The following EXOC6B variants were observed in gnomAD, a reference collection of about 807,000 sequenced individuals.
EXOC6B encodes the protein exocyst complex component 6B, also known as SEC15 homolog B.
EXOC6B carries 54 observed loss-of-function variants against 113.5 expected under a neutral mutation model. The ratio of observed to expected loss-of-function variants is 0.48; its 90% CI spans 0.38 to 0.60. The LOEUF (loss-of-function observed/expected upper bound fraction) is 0.60. Ranked by LOEUF, EXOC6B falls within the 20% of genes least tolerant of loss-of-function variation. EXOC6B has a pLI of 0.00. For missense variants in EXOC6B, 797 were observed against 977.5 expected (o/e 0.82, Z 2.46); for synonymous variants, 357 against 339.0 (o/e 1.05, Z -0.58).
intron 6 of EXOC6B, among the ~76,000 whole-genome samples, chr2:72,655,936 T>C (rs1350572051): frequency 6.6e-6 from 1 of 152,126 alleles, no homozygotes; most frequent in Non-Finnish European, 1.5e-5. Context: ...TGTTCCTAGA[T>C]AGGATGCCTC....
chr2:72,626,020 C>T (rs768406050), intron 6 of EXOC6B, among the ~76,000 whole-genome samples: 2 of 152,100 alleles, frequency 1.3e-5, no homozygotes, highest in Non-Finnish European at 2.9e-5. Context: ...TTAACAGCAG[C>T]CCTTCCTTTT....
intron 6 of EXOC6B, among the ~76,000 whole-genome samples, chr2:72,633,495 C>A (rs1573523745): frequency 6.6e-6 from 1 of 152,120 alleles, no homozygotes; most frequent in Non-Finnish European, 1.5e-5. Flanking sequence ...TCAGAGAGAA[C>A]CCCTGGTGTA....
intron 21 of EXOC6B, 91 bp downstream of exon 21, chr2:72,183,984 A>G (rs180902249): frequency 2.1e-5 from 14 of 669,258 alleles, no homozygotes; most frequent in African/African-American, 1.6e-4. Flanking sequence ...CTATCTTTCA[A>G]GGTATTGGCA....
chr2:72,476,591 ATGT>A (rs1472889119), intron 17 of EXOC6B, among the ~76,000 whole-genome samples: 1 of 152,078 alleles, frequency 6.6e-6, no homozygotes, highest in Non-Finnish European at 1.5e-5. Context: ...ATTGTGATTG[ATGT>A]TGTTATTTCT....
intron 18 of EXOC6B, among the ~76,000 whole-genome samples, chr2:72,422,243 C>T (rs1001701493): frequency 5.9e-5 from 9 of 152,236 alleles, no homozygotes; most frequent in African/African-American, 2.2e-4. Flanking sequence ...GACAGCTCCA[C>T]CTGCAGCCCC....
intron 8 of EXOC6B, among the ~76,000 whole-genome samples, chr2:72,517,781 C>T (rs1248136488): frequency 6.6e-6 from 1 of 152,084 alleles, no homozygotes; most frequent in African/African-American, 2.4e-5. Flanking sequence ...CTAATTATAC[C>T]ACACTATACT....
chr2:72,317,458 C>T (rs1378333291), intron 20 of EXOC6B, among the ~76,000 whole-genome samples: 3 of 151,758 alleles, frequency 2.0e-5, no homozygotes, highest in Non-Finnish European at 4.4e-5. Context: ...ACACAGAAAA[C>T]CACCTTGTCC....
intron 20 of EXOC6B, among the ~76,000 whole-genome samples, chr2:72,225,554 G>C (rs1261183408): frequency 6.6e-6 from 1 of 152,174 alleles, no homozygotes; most frequent in African/African-American, 2.4e-5. Flanking sequence ...GAGACTGTGA[G>C]ACAATTACTT....
Position 72,409,849 on chromosome 2 carries a change from C to G in EXOC6B, c.1981-29979G>C, listed in dbSNP as rs1232344025. Among the ~76,000 whole-genome samples the G allele has an allele frequency of 2.0e-5, 3 of 151,634 alleles. No individual in the cohort carries two copies. The East Asian group carries it at 5.8e-4, about 29-fold the overall frequency. On this transcript the variant is annotated intron_variant, in intron 18 of 21. Transcript: ENST00000272427. Reference sequence around the variant, plus strand: ...AACCTGCACGTTGTGCACATGTACCCTAAAACTTAAAGTATAATAAAATAT... The same window carrying G: ...AACCTGCACGTTGTGCACATGTACCGTAAAACTTAAAGTATAATAAAATAT...
intron 11 of EXOC6B, among the ~76,000 whole-genome samples, chr2:72,508,630 C>T (rs764625605): frequency 2.0e-5 from 3 of 151,954 alleles, no homozygotes; most frequent in Non-Finnish European, 2.9e-5. Context: ...AAAAATTAGT[C>T]GGGCATGGTG....
chr2:72,334,949 G>T lies in EXOC6B; in HGVS notation c.2194C>A (p.Gln732Lys). 6.2e-7 allele frequency: 1 copy of T among 1,613,142 alleles called. No homozygotes were observed. Among genetic ancestry groups the T allele is most frequent in the Non-Finnish European group, 8.5e-7 (1 of 1,179,344 alleles). Residue 732 changes from glutamine to lysine, a missense_variant and splice_region_variant, in exon 20 of 22, where the codon CAA (glutamine) becomes AAA (lysine). Transcript: ENST00000272427. ...AAAACAAAAACACAAAGACTTACTT[G>T]TCTCAAGTCGATGAAGGCCAACTGC... is the stretch of plus-strand genomic sequence containing the variant. ...TLQLAFIDLR[Q>K]LLDLFIQWDW...
At chr2:72,775,864 A>G (rs1469423581) in intron 1 of EXOC6B, among the ~76,000 whole-genome samples, 1 of 152,204 alleles carries the variant, frequency 6.6e-6, no homozygotes, top group Non-Finnish European at 1.5e-5. Flanking sequence ...TACATGAGAT[A>G]AAATTGTACA....
At chr2:72,636,977 A>C (rs1672883333) in intron 6 of EXOC6B, among the ~76,000 whole-genome samples, 1 of 152,162 alleles carries the variant, frequency 6.6e-6, no homozygotes, top group South Asian at 2.1e-4. Flanking sequence ...AAGTCACAGC[A>C]TATAACATCG....
At position 72,379,723 on chromosome 2, in the gene EXOC6B, T is replaced by C; in HGVS notation, c.2122+6A>G. On this transcript the variant is annotated splice_donor_region_variant and intron_variant, in intron 19 of 21. Coordinates refer to ENST00000272427, the MANE Select transcript of EXOC6B (RefSeq NM_015189.3). Reference sequence around the variant, plus strand: ...TAAACAAGCACAGGGATGGTCACTGTCTTACGTTCACATTCTCTGACGTCC... The same window carrying C: ...TAAACAAGCACAGGGATGGTCACTGCCTTACGTTCACATTCTCTGACGTCC... The C allele has an allele frequency of 6.2e-7, 1 of 1,608,060 alleles. No individual in the cohort carries two copies. The highest frequency in any genetic ancestry group is 8.5e-7 in the Non-Finnish European group (1 of 1,176,460).
chr2:72,804,593 CT>C lies in EXOC6B; in HGVS notation c.113+21204del, dbSNP rs948240531. 3.9e-3 allele frequency among the ~76,000 whole-genome samples: 573 copies of C among 147,532 alleles called. 4 individuals are homozygous for C. The highest frequency in any genetic ancestry group is 0.013 in the African/African-American group (514 of 40,394). On this transcript the variant is annotated intron_variant, in intron 1 of 21. Coordinates refer to ENST00000272427, the MANE Select transcript of EXOC6B (RefSeq NM_015189.3). The stretch of plus-strand genomic sequence containing the variant: ...AATTATCACTTACCCTTCATTTAAA[CT>C]TTTTTTTTTTAATTTTTTGAGATGG...
chr2:72,401,726 G>A (rs1693347558), intron 18 of EXOC6B, among the ~76,000 whole-genome samples: 1 of 130,604 alleles, frequency 7.7e-6, no homozygotes, highest in Non-Finnish European at 1.6e-5. Flanking sequence ...CAACATGGAT[G>A]GAACTAGGGT....
At chr2:72,690,305 A>G (rs937178418) in intron 6 of EXOC6B, among the ~76,000 whole-genome samples, 5 of 152,206 alleles carry the variant, frequency 3.3e-5, no homozygotes, top group Non-Finnish European at 7.3e-5. Context: ...CCATGTCCCT[A>G]TACATATTCC....
At chr2:72,459,017 T>C (rs1215760474) in intron 18 of EXOC6B, among the ~76,000 whole-genome samples, 1 of 152,062 alleles carries the variant, frequency 6.6e-6, no homozygotes, top group African/African-American at 2.4e-5. Context: ...AGAAAACATT[T>C]TCTAAAAACA....
intron 6 of EXOC6B, among the ~76,000 whole-genome samples, chr2:72,629,883 A>G (rs1262567163): frequency 6.6e-6 from 1 of 152,128 alleles, no homozygotes; most frequent in African/African-American, 2.4e-5. Flanking sequence ...ACCTTCATCA[A>G]ACTCCTTTCT....
Sources: allele counts gnomAD v4.1 joint callset (sites outside exome capture counted in the v4.1 genomes callset), GRCh38; gene constraint gnomAD v4.1.1; transcripts MANE v1.5; gene names NCBI Gene and HGNC (gene_info 2026-07-23, HGNC 2026-07-21).